IGSF21: variants seen among roughly 807,000 people sequenced by gnomAD.
IGSF21 encodes the protein immunoglobulin superfamily member 21.
A neutral mutation model predicts 46.8 loss-of-function variants in IGSF21; 28 were observed. That is an observed-to-expected ratio of 0.60 (90% confidence interval 0.44 to 0.82). IGSF21 has a LOEUF of 0.82. Among genes scored for constraint, IGSF21 ranks in the 40% least tolerant of loss-of-function variants. The pLI, the probability that IGSF21 is intolerant of heterozygous loss-of-function variation, is 0.00. For missense variants in IGSF21, 624 were observed against 665.5 expected, an observed-to-expected ratio of 0.94 and a Z score of 0.69; for synonymous variants, 284 against 273.6, an observed-to-expected ratio of 1.04 and a Z score of -0.38.
rs760231839 is a variant in IGSF21 at position 18,376,887 on chromosome 1, C to T, written c.1189C>T (p.Leu397=). 1 of 1,612,992 alleles carries T rather than the reference C, an allele frequency of 6.2e-7. No individual in the cohort carries two copies. Among genetic ancestry groups the T allele is most frequent in the South Asian group, 1.1e-5 (1 of 91,046 alleles). Residue 397 remains leucine (L), a synonymous_variant, in exon 8 of 10, where the codon CTG becomes TTG. Coordinates refer to ENST00000251296, the MANE Select transcript of IGSF21 (RefSeq NM_032880.5). ...DGSAEFDGKE[L]VLERVPAELN... is the part of the protein sequence containing the mutation. ...CAGCGCTGAGTTCGACGGGAAGGAG[C>T]TGGTGCTGGAGCGGGTTCCCGCCGA...
intron 1 of IGSF21, among the ~76,000 whole-genome samples, chr1:18,174,336 C>T (rs912572060): frequency 1.4e-4 from 22 of 152,214 alleles, no homozygotes; most frequent in Non-Finnish European, 4.4e-5. Flanking sequence ...AGCGTCTTCA[C>T]AGATGGGCAG....
intron 2 of IGSF21, among the ~76,000 whole-genome samples, chr1:18,256,436 G>C (rs1007542254): frequency 7.9e-5 from 12 of 152,216 alleles, no homozygotes; most frequent in Admixed American, 7.9e-4. Flanking sequence ...GCGTACAGCT[G>C]TCTCCCTAAC....
Position 18,376,932 on chromosome 1 carries a change from C to T in IGSF21, c.1234C>T (p.Arg412Cys), listed in dbSNP as rs1474340067. 3 of 1,611,976 alleles carry T rather than the reference C, an allele frequency of 1.9e-6. No individual in the cohort carries two copies. Among genetic ancestry groups the T allele is most frequent in the East Asian group, 2.2e-5 (1 of 44,792 alleles). ...VPAELNGSMY[R>C]CTAQNPLGST... ...CGCCGAGCTCAATGGCTCCATGTATCGCTGCACCGCCCAGAACCCACTGGG... is the reference window on the plus strand; with the variant it reads ...CGCCGAGCTCAATGGCTCCATGTATTGCTGCACCGCCCAGAACCCACTGGG... Residue 412 changes from arginine (R) to cysteine (C), a missense_variant, in exon 8 of 10, where the codon CGC becomes TGC. Coordinates refer to ENST00000251296, the MANE Select transcript of IGSF21 (RefSeq NM_032880.5).
chr1:18,209,147 A>G (rs2084364245), intron 1 of IGSF21, among the ~76,000 whole-genome samples: 1 of 152,232 alleles, frequency 6.6e-6, no homozygotes, highest in African/African-American at 2.4e-5. Context: ...GCATTTAACT[A>G]TAAATTATAC....
At chr1:18,293,045 T>C (rs1433357990) in intron 3 of IGSF21, among the ~76,000 whole-genome samples, 1 of 152,188 alleles carries the variant, frequency 6.6e-6, no homozygotes, top group African/African-American at 2.4e-5. Flanking sequence ...TGTGGCACCA[T>C]GCTATGTGGA....
rs191927817 is a variant in IGSF21 at position 18,284,491 on chromosome 1, C to T, written c.184-7375C>T. Among the ~76,000 whole-genome samples the T allele has an allele frequency of 2.6e-4, 40 of 152,368 alleles. No individual in the cohort carries two copies. The East Asian group carries it at 2.7e-3, about 10-fold the overall frequency. ...CTGAGCAATAAATTCACACTAACAG[C>T]AGTGTCCACTTGCCTTTGCATTTTG... On this transcript the variant is annotated intron_variant, in intron 2 of 9. Coordinates refer to ENST00000251296, the MANE Select transcript of IGSF21 (RefSeq NM_032880.5).
intron 2 of IGSF21, among the ~76,000 whole-genome samples, chr1:18,280,694 C>T (rs1273999292): frequency 6.6e-6 from 1 of 152,082 alleles, no homozygotes; most frequent in Admixed American, 6.5e-5. Flanking sequence ...AGAGCCTAAC[C>T]ACTACCAAAC....
intron 2 of IGSF21, chr1:18,278,707 C>T (rs967847665): frequency 1.2e-5 from 5 of 400,312 alleles, no homozygotes; most frequent in African/African-American, 1.0e-4. Context: ...GCACATACCA[C>T]CATGCCTGGC....
chr1:18,200,018 G>A (rs1382003815), intron 1 of IGSF21, among the ~76,000 whole-genome samples: 1 of 152,054 alleles, frequency 6.6e-6, no homozygotes, highest in Non-Finnish European at 1.5e-5. Context: ...CCAAGCCCCT[G>A]CTCCTTCCCC....
intron 4 of IGSF21, among the ~76,000 whole-genome samples, chr1:18,357,627 C>A (rs2086034917): frequency 1.3e-5 from 2 of 151,998 alleles, no homozygotes; most frequent in South Asian, 2.1e-4. Context: ...GGCAGGAATG[C>A]CGTACTTGGT....
intron 1 of IGSF21, among the ~76,000 whole-genome samples, chr1:18,134,896 G>A (rs899619058): frequency 2.0e-5 from 3 of 152,226 alleles, no homozygotes; most frequent in Admixed American, 2.0e-4. Flanking sequence ...TGGGAGATTA[G>A]AGGATTCTCT....
intron 6 of IGSF21, among the ~76,000 whole-genome samples, chr1:18,373,981 T>C (rs1278994175): frequency 1.1e-4 from 17 of 152,088 alleles, no homozygotes; most frequent in Non-Finnish European, 1.5e-5. Flanking sequence ...GGCAAGCCCT[T>C]TAGAAAGCAG....
At chr1:18,358,838 A>G (rs2086052854) in intron 4 of IGSF21, among the ~76,000 whole-genome samples, 1 of 152,226 alleles carries the variant, frequency 6.6e-6, no homozygotes, top group African/African-American at 2.4e-5. Context: ...AAATCTGGCT[A>G]GTCTGATCTA....
At chr1:18,196,894 A>G (rs575477310) in intron 1 of IGSF21, among the ~76,000 whole-genome samples, 1 of 152,170 alleles carries the variant, frequency 6.6e-6, no homozygotes, top group African/African-American at 2.4e-5. Context: ...CACAGAGACA[A>G]GTGGGGGAGC....
chr1:18,205,699 A>C (rs2084312890), intron 1 of IGSF21, among the ~76,000 whole-genome samples: 1 of 152,234 alleles, frequency 6.6e-6, no homozygotes, highest in Non-Finnish European at 1.5e-5. Context: ...GGACTGACTC[A>C]AGGTGGGACT....
At chr1:18,327,061 A>C (rs1345636111) in intron 3 of IGSF21, among the ~76,000 whole-genome samples, 1 of 152,212 alleles carries the variant, frequency 6.6e-6, no homozygotes, top group Non-Finnish European at 1.5e-5. Flanking sequence ...GCACCCAGGC[A>C]AATGTCATGC....
chr1:18,253,174 C>T (rs111824893), intron 2 of IGSF21, among the ~76,000 whole-genome samples: 774 of 152,266 alleles, frequency 5.1e-3, no homozygotes, highest in Non-Finnish European at 8.4e-3. Flanking sequence ...CATCTTCATC[C>T]GATGTGCAGG....
At chr1:18,111,807 C>A (rs887070551) in intron 1 of IGSF21, 2 of 152,230 alleles carry the variant, frequency 1.3e-5, no homozygotes, top group Admixed American at 1.3e-4. Context: ...AGGCTCCTTC[C>A]GCTCCCTCCT....
Position 18,291,870 on chromosome 1 carries a change from C to T in IGSF21, c.188C>T (p.Thr63Met), listed in dbSNP as rs377482671. ...RMREIVWYRV[T>M]DGGTIKQKIF... ...TATCTCTGTGCTCTGTGGCAGGTGA[C>T]GGATGGTGGCACCATCAAGCAAAAG... Residue 63 changes from threonine (T) to methionine (M), a missense_variant, in exon 3 of 10, where the codon ACG (threonine) becomes ATG (methionine). Thr to Met is a moderately conservative substitution (Grantham distance 81). Transcript: ENST00000251296. The T allele has an allele frequency of 4.3e-5, 70 of 1,613,464 alleles. No homozygotes were observed. In the Middle Eastern group the frequency reaches 4.9e-4, roughly 11 times the overall value.
Sources: allele counts gnomAD v4.1 joint callset (sites outside exome capture counted in the v4.1 genomes callset), GRCh38; gene constraint gnomAD v4.1.1; transcripts MANE v1.5; gene names NCBI Gene and HGNC (gene_info 2026-07-23, HGNC 2026-07-21).